Variants in MTA3 observed in about 807,000 individuals in gnomAD.
The protein encoded by MTA3 is metastasis associated 1 family member 3.
In MTA3, 34 loss-of-function variants were observed where a neutral mutation model predicts 83.5. The observed-to-expected ratio is 0.41, with a 90% CI of 0.31 to 0.54. MTA3 has a LOEUF of 0.54. Among genes scored for constraint, MTA3 ranks in the 20% least tolerant of loss-of-function variants. The pLI is 0.33. For synonymous variants in MTA3, 303 were observed against 252.7 expected (o/e 1.20, Z -1.89); for missense variants, 761 against 726.4 (o/e 1.05, Z -0.55).
chr2:42,577,292 G>A (rs932106070), intron 2 of MTA3, among the ~76,000 whole-genome samples: 2 of 151,512 alleles, frequency 1.3e-5, no homozygotes, highest in Admixed American at 1.3e-4. Context: ...GAGGGGAAGA[G>A]GAATATGGTA....
chr2:42,495,142 C>G (rs900366757), intron 1 of MTA3: 2 of 152,668 alleles, frequency 1.3e-5, no homozygotes, highest in Non-Finnish European at 2.9e-5. Context: ...TCATTGCCCT[C>G]TACTTTTCGT....
rs948102075 is a variant in MTA3, at chr2:42,632,291, C to T, written c.318-7882C>T. On this transcript the variant is annotated intron_variant, in intron 4 of 16. Transcript: ENST00000405094. ...ATTTTTAGTAGAGACAGGGTTTCAC[C>T]GTGTTAGCCAGGATGGTCTTGATCT... Among the ~76,000 whole-genome samples the T allele has an allele frequency of 3.3e-5, 5 of 151,846 alleles. No individual in the cohort carries two copies. In the East Asian group the frequency reaches 9.8e-4, roughly 30 times the overall value.
chr2:42,747,292 G>C (rs1013445018), intron 16 of MTA3, among the ~76,000 whole-genome samples: 1 of 152,096 alleles, frequency 6.6e-6, no homozygotes, highest in Non-Finnish European at 1.5e-5. Flanking sequence ...GAGCCACTGC[G>C]CCTGGCCCCC....
chr2:42,674,115 T>A (rs1451898961), intron 8 of MTA3, among the ~76,000 whole-genome samples: 1 of 152,192 alleles, frequency 6.6e-6, no homozygotes, highest in Non-Finnish European at 1.5e-5. Flanking sequence ...TGGACAAAAC[T>A]CAGTAGCACA....
Position 42,720,564 on chromosome 2 carries a change from C to T in MTA3, c.1612+1490C>T, listed in dbSNP as rs114301770. ...ACATGGTTATTGTACACATGACCTA[C>T]GTAATGGTGGTAATGTCCTTGAAGA... is the stretch of plus-strand genomic sequence containing the variant. On this transcript the variant is annotated intron_variant, in intron 15 of 16. Transcript: ENST00000405094. Among the ~76,000 whole-genome samples the T allele has an allele frequency of 3.8e-3, 583 of 152,176 alleles. 5 individuals carry two copies. Among genetic ancestry groups the T allele is most frequent in the South Asian group, 0.023 (111 of 4,828 alleles).
At chr2:42,698,422 A>T (rs1395598902) in intron 11 of MTA3, 2 of 151,510 alleles carry the variant, frequency 1.3e-5, no homozygotes, top group Non-Finnish European at 2.9e-5. Context: ...GAGGCTGAGC[A>T]TGGTAGTTCA....
chr2:42,495,560 G>A (rs564181699), intron 2 of MTA3, among the ~76,000 whole-genome samples: 1 of 152,274 alleles, frequency 6.6e-6, no homozygotes, highest in African/African-American at 2.4e-5. Context: ...TGGAGGTGCT[G>A]ATGGCCATGA....
intron 6 of MTA3, among the ~76,000 whole-genome samples, chr2:42,652,078 C>CAAGAAAAAA (rs565535556): frequency 6.6e-6 from 1 of 150,442 alleles, no homozygotes; most frequent in South Asian, 2.1e-4. Flanking sequence ...GGGTGGGCAA[C>CAAGAAAAAA]AAGAAAAAAA....
chr2:42,686,453 G>A (rs1363255466), intron 9 of MTA3, among the ~76,000 whole-genome samples: 2 of 152,026 alleles, frequency 1.3e-5, no homozygotes, highest in African/African-American at 4.8e-5. Flanking sequence ...TTGGGAGTCC[G>A]AGGCAGGAGG....
intron 15 of MTA3, among the ~76,000 whole-genome samples, chr2:42,720,830 C>G (rs1262854353): frequency 1.3e-5 from 2 of 151,306 alleles, no homozygotes; most frequent in Non-Finnish European, 2.9e-5. Context: ...TGCCTGTGGT[C>G]CCAACTACTC....
In MTA3 at chr2:42,720,799, T is replaced by G. The variant is rs1472690783; in HGVS notation, c.1612+1725T>G. On this transcript the variant is annotated intron_variant, in intron 15 of 16. Coordinates refer to ENST00000405094, the MANE Select transcript of MTA3 (RefSeq NM_001330442.2). ...CCTGTCTCTACCAAAAATACAAATA[T>G]TAGGCAGGTGTGGTGGTGCGTGCCT... Among the ~76,000 whole-genome samples the G allele has an allele frequency of 3.3e-5, 5 of 151,454 alleles. No individual in the cohort carries two copies. The South Asian group carries it at 8.3e-4, about 25-fold the overall frequency.
At chr2:42,499,196 T>G (rs1322081493) in intron 2 of MTA3, among the ~76,000 whole-genome samples, 1 of 150,662 alleles carries the variant, frequency 6.6e-6, no homozygotes, top group African/African-American at 2.4e-5. Flanking sequence ...AGACGGAGTT[T>G]CACTCTTTTT....
chr2:42,704,508 G>A (rs186280556), intron 12 of MTA3, among the ~76,000 whole-genome samples, 190 bp downstream of exon 12: 2 of 152,108 alleles, frequency 1.3e-5, no homozygotes, highest in South Asian at 2.1e-4. Context: ...TCCTTATTAC[G>A]TACCACACAC....
intron 16 of MTA3, among the ~76,000 whole-genome samples, chr2:42,725,277 C>G (rs2104548945): frequency 6.6e-6 from 1 of 152,194 alleles, no homozygotes; most frequent in African/African-American, 2.4e-5. Context: ...AAAATGAGAC[C>G]TAGAGAAGTG....
chr2:42,582,477 T>C (rs973688551), intron 3 of MTA3, among the ~76,000 whole-genome samples: 2 of 152,218 alleles, frequency 1.3e-5, no homozygotes, highest in African/African-American at 4.8e-5. Flanking sequence ...AATACCTGAT[T>C]AGTATGTCAT....
intron 16 of MTA3, among the ~76,000 whole-genome samples, chr2:42,732,669 C>T (rs187968281): frequency 4.3e-4 from 66 of 152,300 alleles, no homozygotes; most frequent in Admixed American, 3.1e-3. Flanking sequence ...TCTTTTCTAT[C>T]GCATAGTCAG....
intron 7 of MTA3, among the ~76,000 whole-genome samples, chr2:42,658,576 C>T (rs72801619): frequency 6.6e-6 from 1 of 152,244 alleles, no homozygotes; most frequent in Non-Finnish European, 1.5e-5. Context: ...CTGTGTGATT[C>T]TATTTGAGCA....
At chr2:42,499,346 A>G (rs1674292905) in intron 2 of MTA3, among the ~76,000 whole-genome samples, 1 of 151,534 alleles carries the variant, frequency 6.6e-6, no homozygotes, top group Admixed American at 6.6e-5. Flanking sequence ...TTGTATTTTT[A>G]GTAGAGACAG....
chr2:42,559,452 A>C (rs1243061979), intron 2 of MTA3, among the ~76,000 whole-genome samples: 1 of 151,284 alleles, frequency 6.6e-6, no homozygotes, highest in Non-Finnish European at 1.5e-5. Flanking sequence ...CAGTAAGCCG[A>C]GATCATGCCA....
Sources: allele counts gnomAD v4.1 joint callset (sites outside exome capture counted in the v4.1 genomes callset), GRCh38; gene constraint gnomAD v4.1.1; transcripts MANE v1.5; gene names NCBI Gene and HGNC (gene_info 2026-07-23, HGNC 2026-07-21).